The following IL1R2 variants were observed in gnomAD, a reference collection of about 807,000 sequenced individuals.
IL1R2 encodes the protein interleukin-1 receptor type 2.
A neutral mutation model predicts 39.5 loss-of-function variants in IL1R2; 46 were observed. The observed-to-expected ratio is 1.16, with a 90% CI of 0.92 to 1.49. The LOEUF is 1.49. IL1R2 is among the 40% of genes most tolerant of loss of function. IL1R2 has a pLI of 0.00. For synonymous variants in IL1R2, 207 were observed against 189.6 expected, an observed-to-expected ratio of 1.09 and a Z score of -0.75; for missense variants, 537 against 502.0, an observed-to-expected ratio of 1.07 and a Z score of -0.67.
intron 3 of IL1R2, among the ~76,000 whole-genome samples, chr2:102,011,022 A>T (rs1163441258): frequency 6.6e-6 from 1 of 152,230 alleles, no homozygotes; most frequent in Admixed American, 6.5e-5. Flanking sequence ...TATTTCACTT[A>T]GCATAGTGTT....
At chr2:102,024,007 C>T (rs981845042) in intron 6 of IL1R2, among the ~76,000 whole-genome samples, 18 of 151,218 alleles carry the variant, frequency 1.2e-4, no homozygotes, top group Non-Finnish European at 2.4e-4. Flanking sequence ...CGAGATCGCC[C>T]CACCGCACTC....
intron 6 of IL1R2, among the ~76,000 whole-genome samples, chr2:102,024,059 C>A (rs200103986): frequency 0.21 from 29,910 of 141,308 alleles, 4,514 homozygotes; most frequent in African/African-American, 0.39. Flanking sequence ...AAAAACAAAA[C>A]AAAACAAAAC....
In IL1R2 at chr2:102,026,145, G is replaced by A; in HGVS notation, c.922G>A (p.Val308Met). The A allele has an allele frequency of 6.2e-7, 1 of 1,609,118 alleles. No homozygotes were observed. The highest frequency in any genetic ancestry group is 1.7e-5 in the Admixed American group (1 of 59,804). Residue 308 changes from valine to methionine, a missense_variant, in exon 8 of 9, where the codon GTG (valine) becomes ATG (methionine). Val to Met is a conservative substitution (Grantham distance 21). Coordinates refer to ENST00000332549, the MANE Select transcript of IL1R2 (RefSeq NM_004633.4). ...AGAAAATAATGAGAACTACATTGAA[G>A]TGCCATTGATTTTTGATCCTGTCAC... ...YSENNENYIE[V>M]PLIFDPVTRE... is the part of the protein sequence containing the mutation.
chr2:101,992,290 C>G (rs887517623), intron 1 of IL1R2, among the ~76,000 whole-genome samples: 1 of 136,482 alleles, frequency 7.3e-6, no homozygotes, highest in African/African-American at 2.6e-5. Context: ...GGCAGAGAGA[C>G]AGAGACAGAG....
chr2:101,992,974 CA>C (rs1321126180), intron 1 of IL1R2, among the ~76,000 whole-genome samples: 2 of 152,084 alleles, frequency 1.3e-5, no homozygotes, highest in Non-Finnish European at 2.9e-5. Flanking sequence ...GGGGCTGGAT[CA>C]GGGGGTTTCT....
rs1165238372 is a variant in IL1R2 at position 102,019,718 on chromosome 2, C to T, written c.594C>T (p.Ala198=). Residue 198 remains alanine (A), a synonymous_variant, in exon 5 of 9, where the codon GCC becomes GCT. Transcript: ENST00000332549. The part of the protein sequence containing the change: ...GTTHLLVHDV[A]LEDAGYYRCV... The stretch of plus-strand genomic sequence containing the variant: ...CTCACTTACTCGTACACGATGTGGC[C>T]CTGGAAGATGCTGGCTATTACCGCT... 6.2e-7 allele frequency: 1 copy of T among 1,613,848 alleles called. No individual in the cohort carries two copies. Among genetic ancestry groups the T allele is most frequent in the Non-Finnish European group, 8.5e-7 (1 of 1,179,786 alleles).
intron 5 of IL1R2, among the ~76,000 whole-genome samples, chr2:102,020,838 A>G (rs879657348): frequency 6.6e-6 from 1 of 152,110 alleles, no homozygotes; most frequent in South Asian, 2.1e-4. Context: ...TGATCCTCCC[A>G]GGATCTCAGT....
At chr2:102,013,581 G>A (rs796785899) in intron 3 of IL1R2, among the ~76,000 whole-genome samples, 1,580 of 26,164 alleles carry the variant, frequency 0.06, no homozygotes, top group Non-Finnish European at 0.077. Context: ...AGAAGGAAAA[G>A]AAAAAGAAAA....
intron 1 of IL1R2, among the ~76,000 whole-genome samples, chr2:101,996,453 A>G (rs1289517341): frequency 6.7e-6 from 1 of 148,302 alleles, no homozygotes; most frequent in African/African-American, 2.5e-5. Flanking sequence ...TTTCCCACAC[A>G]GTAGAGATAA....
chr2:102,008,458 A>G (rs1676398806), intron 1 of IL1R2, 57 bp from the exon 2 acceptor site: 2 of 793,206 alleles, frequency 2.5e-6, no homozygotes, highest in Admixed American at 1.8e-5. Flanking sequence ...CCCGTCTTCA[A>G]GGGATTCTCT....
intron 4 of IL1R2, 99 bp from the exon 5 acceptor site, chr2:102,019,539 G>C: frequency 1.2e-6 from 1 of 863,982 alleles, no homozygotes; most frequent in Admixed American, 2.9e-5. Flanking sequence ...ACAATTCTTG[G>C]ATTGCAAATC....
At chr2:102,014,027 C>A (rs1676833278) in intron 3 of IL1R2, among the ~76,000 whole-genome samples, 1 of 152,078 alleles carries the variant, frequency 6.6e-6, no homozygotes, top group Non-Finnish European at 1.5e-5. Flanking sequence ...GATCAAATTG[C>A]CCCTCACCCT....
At position 102,009,592 on chromosome 2, in the gene IL1R2, G is replaced by A. The variant is rs149708591; in HGVS notation, c.98G>A (p.Arg33Lys). The change falls in exon 3 of 9, where the codon AGG (arginine) becomes AAG (lysine). Residue 33 changes from arginine to lysine, a missense_variant. Physicochemically the swap from Arg to Lys is conservative, Grantham distance 26. Transcript: ENST00000332549. The stretch of plus-strand genomic sequence containing the variant: ...GCCAGAAGCTGCCGGTTTCGTGGGA[G>A]GCATTACAAGCGGGAGTTCAGGCTG... ...GAARSCRFRG[R>K]HYKREFRLEG... is the part of the protein sequence containing the mutation. 411 of 1,614,004 alleles carry A rather than the reference G, an allele frequency of 2.5e-4. No individual in the cohort carries two copies. Among genetic ancestry groups the A allele is most frequent in the Non-Finnish European group, 3.3e-4 (390 of 1,180,008 alleles).
intron 1 of IL1R2, among the ~76,000 whole-genome samples, chr2:102,004,711 G>A (rs550613467): frequency 6.6e-6 from 1 of 152,194 alleles, no homozygotes. Context: ...GCCTGCCAAA[G>A]ATTTACTGTT....
At chr2:101,992,108 A>G in intron 1 of IL1R2, 97 bp downstream of exon 1, 1 of 149,436 alleles carries the variant, frequency 6.7e-6, no homozygotes, top group Non-Finnish European at 1.5e-5. Flanking sequence ...AGAGAGAGAG[A>G]GGGAGGCAGA....
intron 1 of IL1R2, among the ~76,000 whole-genome samples, chr2:102,002,481 G>GTGTCTGTGTC (rs1379841462): frequency 6.6e-6 from 1 of 151,258 alleles, no homozygotes; most frequent in Admixed American, 6.6e-5. Context: ...GTCTGTGTCT[G>GTGTCTGTGTC]TGTCTGTGTC....
At chr2:102,001,373 G>A (rs1266918144) in intron 1 of IL1R2, among the ~76,000 whole-genome samples, 1 of 152,184 alleles carries the variant, frequency 6.6e-6, no homozygotes, top group Non-Finnish European at 1.5e-5. Context: ...GCCCAATGTG[G>A]CCTAATGCCC....
chr2:101,996,485 GTTTTTTT>G (rs11382814), intron 1 of IL1R2, among the ~76,000 whole-genome samples: 9 of 82,406 alleles, frequency 1.1e-4, no homozygotes, highest in African/African-American at 4.6e-4. Flanking sequence ...TGTTTTCAGT[GTTTTTTT>G]TTTTTTTTTT....
intron 6 of IL1R2, 67 bp downstream of exon 6, chr2:102,022,316 C>CA: frequency 7.5e-7 from 1 of 1,329,166 alleles, no homozygotes; most frequent in Non-Finnish European, 1.1e-6. Flanking sequence ...ATGCAGGGGG[C>CA]TTGGGACCCT....
Sources: allele counts gnomAD v4.1 joint callset (sites outside exome capture counted in the v4.1 genomes callset), GRCh38; gene constraint gnomAD v4.1.1; transcripts MANE v1.5; gene names NCBI Gene and HGNC (gene_info 2026-07-23, HGNC 2026-07-21).